Variants in NELL1 observed in about 807,000 individuals in gnomAD.
NELL1 encodes protein kinase C-binding protein NELL1.
Under a neutral mutation model 107.4 loss-of-function variants are expected in NELL1, and 76 were observed. That is an observed-to-expected ratio of 0.71 (90% CI 0.59 to 0.86). The LOEUF is 0.86. NELL1 is among the 40% of genes least tolerant of loss of function. The probability of loss-of-function intolerance (pLI) is 0.00; values close to 1 mark genes in which losing one functional copy is unlikely to be tolerated. For missense variants in NELL1, 1,024 were observed against 1,005.5 expected, an observed-to-expected ratio of 1.02 and a Z score of -0.25; for synonymous variants, 353 against 341.2, an observed-to-expected ratio of 1.03 and a Z score of -0.38.
intron 17 of NELL1, among the ~76,000 whole-genome samples, chr11:21,566,178 AATTTGT>A (rs1227956849): frequency 1.3e-5 from 2 of 151,944 alleles, no homozygotes; most frequent in African/African-American, 4.8e-5. Flanking sequence ...CATCAGGTTG[AATTTGT>A]ACCGTGGGCA....
chr11:21,548,975 A>G (rs1054360713), intron 16 of NELL1, among the ~76,000 whole-genome samples: 2 of 151,526 alleles, frequency 1.3e-5, no homozygotes, highest in East Asian at 3.9e-4. Flanking sequence ...TCAGGAAAAT[A>G]TGATTTCTAT....
At chr11:20,864,959 G>A (rs1849066474) in intron 4 of NELL1, among the ~76,000 whole-genome samples, 1 of 152,182 alleles carries the variant, frequency 6.6e-6, no homozygotes, top group African/African-American at 2.4e-5. Flanking sequence ...CCTGACCTCA[G>A]GGGAGATTCT....
Position 20,669,796 on chromosome 11 carries a change from G to A in NELL1, c.55+18G>A, listed in dbSNP as rs750071563. ...CAGGACAGGTAAGCATGACTGTGGC[G>A]GTTAGAGGGATCCGGGAAATGGGGG... is the stretch of plus-strand genomic sequence containing the variant. On this transcript the variant is annotated intron_variant, in intron 1 of 19. Coordinates refer to ENST00000357134, the MANE Select transcript of NELL1 (RefSeq NM_006157.5). This position sits in a 1 kb window ranked among gnomAD's most constrained non-coding sequence, Gnocchi z 4.4. 10 of 1,609,182 alleles carry A rather than the reference G, an allele frequency of 6.2e-6. No individual in the cohort carries two copies. In the East Asian group the frequency reaches 1.1e-4, roughly 18 times the overall value.
intron 12 of NELL1, among the ~76,000 whole-genome samples, chr11:20,985,028 A>G (rs1469537043): frequency 6.6e-6 from 1 of 152,152 alleles, no homozygotes; most frequent in Non-Finnish European, 1.5e-5. Context: ...TTGCTGAAAA[A>G]TATGTAAAAT....
intron 10 of NELL1, among the ~76,000 whole-genome samples, chr11:20,944,407 A>C (rs1850921862): frequency 6.6e-6 from 1 of 152,202 alleles, no homozygotes. Flanking sequence ...TTTTCTGCAG[A>C]ATTTCTTTAT....
chr11:20,948,524 G>A (rs1236671747), intron 11 of NELL1, among the ~76,000 whole-genome samples: 3 of 151,808 alleles, frequency 2.0e-5, no homozygotes, highest in African/African-American at 7.3e-5. Context: ...TTTTGAAAAA[G>A]ACAATAGTTT....
Position 20,927,275 on chromosome 11 carries a change from A to G in NELL1, c.760-33A>G, listed in dbSNP as rs1463378429. On this transcript the variant is annotated intron_variant, in intron 7 of 19. Coordinates refer to ENST00000357134, the MANE Select transcript of NELL1 (RefSeq NM_006157.5). ...TTTGTTAGGATGATGCAATTGAATTACAGAAATTACATTCAGTAACTCTTG... is the reference window on the plus strand; with the variant it reads ...TTTGTTAGGATGATGCAATTGAATTGCAGAAATTACATTCAGTAACTCTTG... The G allele has an allele frequency of 3.8e-6, 6 of 1,582,750 alleles. No homozygotes were observed. In the East Asian group the frequency reaches 1.3e-4, roughly 36 times the overall value.
At chr11:20,996,668 C>A (rs1304202856) in intron 12 of NELL1, among the ~76,000 whole-genome samples, 1 of 152,158 alleles carries the variant, frequency 6.6e-6, no homozygotes, top group Non-Finnish European at 1.5e-5. Flanking sequence ...TATGCCACAT[C>A]CCCATTTCTG....
intron 12 of NELL1, among the ~76,000 whole-genome samples, chr11:21,046,747 G>A (rs1410298982): frequency 1.3e-5 from 2 of 151,660 alleles, no homozygotes; most frequent in Non-Finnish European, 2.9e-5. Flanking sequence ...CTGTCACCCA[G>A]GCTGGAGTGC....
intron 15 of NELL1, among the ~76,000 whole-genome samples, chr11:21,501,165 C>T (rs1679663290): frequency 1.3e-5 from 2 of 152,070 alleles, no homozygotes; most frequent in South Asian, 4.1e-4. Flanking sequence ...GTGTATGCGC[C>T]CCTAACCATG....
intron 10 of NELL1, among the ~76,000 whole-genome samples, chr11:20,940,563 G>A (rs7943038): frequency 0.8 from 121,510 of 152,016 alleles, 49,202 homozygotes; most frequent in East Asian, 1. Flanking sequence ...GGGCTTCTTT[G>A]TACCATGGTG....
chr11:21,040,548 T>C (rs1853205303), intron 12 of NELL1, among the ~76,000 whole-genome samples: 2 of 152,164 alleles, frequency 1.3e-5, no homozygotes, highest in African/African-American at 4.8e-5. Context: ...CTCGGACCCT[T>C]CCTGATATGA....
chr11:21,097,452 C>T (rs536898833), intron 12 of NELL1, among the ~76,000 whole-genome samples: 1 of 152,274 alleles, frequency 6.6e-6, no homozygotes, highest in East Asian at 1.9e-4. Flanking sequence ...CTCTTTGTCC[C>T]TCCCTATGGG....
At chr11:21,152,017 C>T (rs150400850) in intron 13 of NELL1, among the ~76,000 whole-genome samples, 1 of 152,174 alleles carries the variant, frequency 6.6e-6, no homozygotes, top group African/African-American at 2.4e-5. Flanking sequence ...TAAGTATGGA[C>T]ACTAATCCTC....
chr11:21,425,986 G>A (rs1431002377), intron 15 of NELL1, among the ~76,000 whole-genome samples: 1 of 152,134 alleles, frequency 6.6e-6, no homozygotes, highest in African/African-American at 2.4e-5. Context: ...AGTGAAATAT[G>A]CTGGCTTTTA....
rs141045998 is a variant in NELL1, at chr11:21,514,777, C to A, written c.1646-19597C>A. Among the ~76,000 whole-genome samples, 54 of 148,560 alleles carry A rather than the reference C, an allele frequency of 3.6e-4. No individual in the cohort carries two copies. The East Asian group carries it at 0.01, about 28-fold the overall frequency. ...CTGTCACAGGGGTTTGGACAGTTTT[C>A]TTTGTGACAAGAAAGCCCTGCCTTA... On this transcript the variant is annotated intron_variant, in intron 15 of 19. Coordinates refer to ENST00000357134, the MANE Select transcript of NELL1 (RefSeq NM_006157.5).
chr11:21,249,802 A>G (rs1385159576), intron 14 of NELL1, among the ~76,000 whole-genome samples: 1 of 152,158 alleles, frequency 6.6e-6, no homozygotes, highest in Non-Finnish European at 1.5e-5. Context: ...TTTTAATCAT[A>G]ATGTGTGCAA....
rs1192308000 is a variant in NELL1 at position 21,186,957 on chromosome 11, G to C, written c.1427-42375G>C. On this transcript the variant is annotated intron_variant, in intron 13 of 19. Coordinates refer to ENST00000357134, the MANE Select transcript of NELL1 (RefSeq NM_006157.5). ...CTAGTTTTCCAAATGTGTGACTTTG[G>C]ACAAGTCACTTTAATATTGCTGACT... 1.3e-5 allele frequency among the ~76,000 whole-genome samples: 2 copies of C among 151,738 alleles called. 1 individual carries two copies. Among genetic ancestry groups the C allele is most frequent in the African/African-American group, 4.9e-5 (2 of 41,048 alleles).
At chr11:20,699,423 C>T (rs1375103617) in intron 2 of NELL1, among the ~76,000 whole-genome samples, 8 of 151,740 alleles carry the variant, frequency 5.3e-5, no homozygotes, top group South Asian at 2.1e-4. Flanking sequence ...TGCAGTGGTG[C>T]GATCTCCGCT....
Sources: allele counts gnomAD v4.1 joint callset (sites outside exome capture counted in the v4.1 genomes callset), GRCh38; gene constraint gnomAD v4.1.1; non-coding constraint Gnocchi (gnomAD v3.1); transcripts MANE v1.5; gene names NCBI Gene and HGNC (gene_info 2026-07-23, HGNC 2026-07-21).